The following ODAD3 variants were observed in gnomAD, a reference collection of about 807,000 sequenced individuals.
ODAD3 encodes outer dynein arm docking complex subunit 3.
Under a neutral mutation model 70.9 loss-of-function variants are expected in ODAD3, and 57 were observed. The ratio of observed to expected loss-of-function variants is 0.80; its 90% CI spans 0.65 to 1.00. ODAD3 has a LOEUF of 1.00. ODAD3 is among the 50% of genes least tolerant of loss of function. ODAD3 has a pLI of 0.00. For missense variants in ODAD3, 797 were observed against 763.9 expected, an observed-to-expected ratio of 1.04 and a Z score of -0.51; for synonymous variants, 327 against 315.9, an observed-to-expected ratio of 1.04 and a Z score of -0.37.
Position 11,421,820 on chromosome 19 carries a change from AGC to A in ODAD3, c.1445_1446del (p.Arg482LeufsTer12). 6.2e-7 allele frequency: 1 copy of A among 1,612,364 alleles called. No homozygotes were observed. The highest frequency in any genetic ancestry group is 8.5e-7 in the Non-Finnish European group (1 of 1,179,546). On this transcript the variant is annotated frameshift_variant, in exon 11 of 13. Coordinates refer to ENST00000356392, the MANE Select transcript of ODAD3 (RefSeq NM_145045.5). LOFTEE classifies it high-confidence loss of function. ...TGGGGATCCAGCTCCTTTCCCGCGAAGCGGCCGTCCTCCTGCGGCCAGGGTAG... is the reference window on the plus strand; with the variant it reads ...TGGGGATCCAGCTCCTTTCCCGCGAAGGCCGTCCTCCTGCGGCCAGGGTAG... ...KLIHITVEDG[R>X]FAGKELDPQA...
rs761992279 is a variant in ODAD3 at position 11,423,876 on chromosome 19, C to A, written c.1116+1G>T. ...CGGAGAGGGCTGCGGGCAGAACTCA[C>A]GTGCGTCTCGTCAGTGCCAGTGGCG... On this transcript the variant is annotated splice_donor_variant, in intron 8 of 12. Transcript: ENST00000356392. LOFTEE classifies it high-confidence loss of function. The A allele has an allele frequency of 2.5e-6, 4 of 1,607,824 alleles. No homozygotes were observed. The highest frequency in any genetic ancestry group is 3.4e-6 in the Non-Finnish European group (4 of 1,177,454).
rs1163223372 is a variant in ODAD3 at position 11,423,973 on chromosome 19, A to T, written c.1020T>A (p.His340Gln). The change falls in exon 8 of 13, where the codon CAT becomes CAA. Residue 340 changes from histidine to glutamine, a missense_variant. Coordinates refer to ENST00000356392, the MANE Select transcript of ODAD3 (RefSeq NM_145045.5). ...QSDDTIQDSL[H>Q]AKEEELRQRW... ...GCTGCCGCAGCTCCTCCTCCTTGGC[A>T]TGCAGGCTGTCCTGGATGGTGTCGT... 1 of 1,612,998 alleles carries T rather than the reference A, an allele frequency of 6.2e-7. No individual in the cohort carries two copies. Among genetic ancestry groups the T allele is most frequent in the Non-Finnish European group, 8.5e-7 (1 of 1,179,970 alleles).
chr19:11,421,119 C>A lies in ODAD3; in HGVS notation c.1675+9G>T. The A allele has an allele frequency of 6.2e-7, 1 of 1,613,458 alleles. No homozygotes were observed. Among genetic ancestry groups the A allele is most frequent in the Non-Finnish European group, 8.5e-7 (1 of 1,179,830 alleles). On this transcript the variant is annotated intron_variant, in intron 12 of 12. Transcript: ENST00000356392. ...AACCGCACCCCTTCATCCCCCCACC[C>A]ATACTGACCAAAAAACTTGTCCTTG...
chr19:11,426,502 G>C lies in ODAD3; in HGVS notation c.784C>G (p.Leu262Val), dbSNP rs1358834423. The change falls in exon 6 of 13, where the codon CTG becomes GTG. Residue 262 changes from leucine to valine, a missense_variant. Physicochemically the swap from Leu to Val is conservative, Grantham distance 32. Coordinates refer to ENST00000356392, the MANE Select transcript of ODAD3 (RefSeq NM_145045.5). ...TGGTTCACCACGTGCAGTGCCTCCA[G>C]CTCATGTTTGGTCCTCACCACCTCA... ...EAEVVRTKHE[L>V]EALHVVNQEA... 6.2e-7 allele frequency: 1 copy of C among 1,614,062 alleles called. No homozygotes were observed. Among genetic ancestry groups the C allele is most frequent in the East Asian group, 2.2e-5 (1 of 44,880 alleles).
In ODAD3 at chr19:11,425,450, C is replaced by CATATGTGTGTGT. The variant is rs1599459697; in HGVS notation, c.963+693_963+694insACACACACATAT. Reference sequence around the variant, plus strand: ...ACACATATGTGTATATGTATATATACATATATGTGTGTGTATATATGTATA... The same window carrying CATATGTGTGTGT: ...ACACATATGTGTATATGTATATATACATATGTGTGTGTATATATGTGTGTGTATATATGTATA... On this transcript the variant is annotated intron_variant, in intron 7 of 12. Transcript: ENST00000356392. Among the ~76,000 whole-genome samples the CATATGTGTGTGT allele has an allele frequency of 2.2e-4, 22 of 102,044 alleles. 1 individual carries two copies. The highest frequency in any genetic ancestry group is 9.6e-4 in the African/African-American group (22 of 22,884). 66.9% of individuals were successfully genotyped at this position (102,044 alleles called of 152,430 possible). A position where few individuals can be genotyped will look rare whatever the true frequency, so the allele number is the denominator to read the frequency against.
In ODAD3 at chr19:11,423,956, A is replaced by C. The variant is rs763147096; in HGVS notation, c.1037T>G (p.Leu346Arg). The C allele has an allele frequency of 3.1e-6, 5 of 1,613,250 alleles. 1 individual carries two copies. The highest frequency in any genetic ancestry group is 1.1e-5 in the South Asian group (1 of 91,080). ...CTGGTACATGCTCCAGCGCTGCCGC[A>C]GCTCCTCCTCCTTGGCATGCAGGCT... ...QDSLHAKEEE[L>R]RQRWSMYQME... The change falls in exon 8 of 13, where the codon CTG (leucine) becomes CGG (arginine). Residue 346 changes from leucine to arginine, a missense_variant. By Grantham distance (102) the Leu-to-Arg change is moderately radical (BLOSUM62 -2). Transcript: ENST00000356392.
chr19:11,426,407 GC>G (rs752511513), intron 6 of ODAD3, 38 bp downstream of exon 6: 1 of 1,612,876 alleles, frequency 6.2e-7, no homozygotes, highest in Non-Finnish European at 8.5e-7. Flanking sequence ...GGAGACCGCG[GC>G]AGCTGGGCAG....
In ODAD3 at chr19:11,425,071, GTATATGTGTATATGTACA is replaced by G. The variant is rs1425175946; in HGVS notation, c.963+1055_964-1043del. Among the ~76,000 whole-genome samples, 8 of 117,908 alleles carry G rather than the reference GTATATGTGTATATGTACA, an allele frequency of 6.8e-5. 3 individuals are homozygous for G. The highest frequency in any genetic ancestry group is 3.8e-4 in the African/African-American group (8 of 21,174). 77.4% of individuals were successfully genotyped at this position (117,908 alleles called of 152,430 possible). ...TATATATGTGTATATGTGTATATAT[GTATATGTGTATATGTACA>G]TATGTGTATATATGTATATATGTGT... On this transcript the variant is annotated intron_variant, in intron 7 of 12. Coordinates refer to ENST00000356392, the MANE Select transcript of ODAD3 (RefSeq NM_145045.5).
intron 1 of ODAD3, among the ~76,000 whole-genome samples, chr19:11,431,841 A>G (rs34089): frequency 0.18 from 27,683 of 150,206 alleles, 3,979 homozygotes; most frequent in African/African-American, 0.4. Context: ...TACTCAGGGG[A>G]CTGAGGCAGG....
At chr19:11,423,836 G>GC in intron 8 of ODAD3, 41 bp downstream of exon 8, 3 of 787,992 alleles carry the variant, frequency 3.8e-6, no homozygotes, top group South Asian at 2.2e-5. Context: ...CGTCTGGGGT[G>GC]GGGGGGGGGC....
intron 7 of ODAD3, among the ~76,000 whole-genome samples, chr19:11,425,186 T>C (rs1465120518): frequency 4.4e-5 from 6 of 137,914 alleles, no homozygotes; most frequent in Admixed American, 2.1e-4. Context: ...CATATGTGTA[T>C]ATATACATAT....
At chr19:11,432,446 A>G (rs1969522727) in intron 1 of ODAD3, among the ~76,000 whole-genome samples, 1 of 151,836 alleles carries the variant, frequency 6.6e-6, no homozygotes, top group African/African-American at 2.4e-5. Context: ...GGATCTCACT[A>G]TGTTGCCCAG....
chr19:11,425,157 A>ATACATATGTGTATATG (rs1475876316), intron 7 of ODAD3, among the ~76,000 whole-genome samples: 1 of 122,298 alleles, frequency 8.2e-6, no homozygotes, highest in Non-Finnish European at 1.6e-5. Context: ...ATATGTATAT[A>ATACATATGTGTATATG]TACATATGTG....
chr19:11,423,717 G>A (rs1969195165), intron 8 of ODAD3, among the ~76,000 whole-genome samples, 160 bp downstream of exon 8: 1 of 152,066 alleles, frequency 6.6e-6, no homozygotes, highest in African/African-American at 2.4e-5. Context: ...AGCTGGAGGG[G>A]GAAGGGATGT....
chr19:11,421,718 G>A lies in ODAD3; in HGVS notation c.1549C>T (p.His517Tyr). The A allele has an allele frequency of 1.2e-6, 2 of 1,613,350 alleles. No individual in the cohort carries two copies. The highest frequency in any genetic ancestry group is 1.7e-6 in the Non-Finnish European group (2 of 1,179,986). ...LLKLQAQLQG[H>Y]DVQEMLCHIA... ...TGGCACAGCATCTCCTGCACGTCGTGGCCCTGGAGCTGCGCCTGCAGTTTC... is the reference window on the plus strand; with the variant it reads ...TGGCACAGCATCTCCTGCACGTCGTAGCCCTGGAGCTGCGCCTGCAGTTTC... The change falls in exon 11 of 13, where the codon CAC (histidine) becomes TAC (tyrosine). Residue 517 changes from histidine (H) to tyrosine (Y), a missense_variant. Transcript: ENST00000356392.
intron 7 of ODAD3, among the ~76,000 whole-genome samples, chr19:11,424,657 G>A (rs1386127002): frequency 2.2e-5 from 2 of 91,702 alleles, no homozygotes; most frequent in Non-Finnish European, 3.7e-5. Context: ...ATACCTATGT[G>A]TATATATGTA....
intron 1 of ODAD3, among the ~76,000 whole-genome samples, chr19:11,432,232 C>G (rs1969518793): frequency 6.6e-6 from 1 of 152,140 alleles, no homozygotes; most frequent in African/African-American, 2.4e-5. Context: ...GTTTTGCATT[C>G]CAGGACTGTT....
intron 1 of ODAD3, among the ~76,000 whole-genome samples, chr19:11,432,132 CAAAAA>C (rs1047426738): frequency 6.6e-6 from 1 of 152,048 alleles, no homozygotes; most frequent in Non-Finnish European, 1.5e-5. Context: ...CAAAACAAAA[CAAAAA>C]ACCCCAAAAT....
rs1414768316 is a variant in ODAD3, at chr19:11,425,375, ATG to A, written c.963+767_963+768del. On this transcript the variant is annotated intron_variant, in intron 7 of 12. Coordinates refer to ENST00000356392, the MANE Select transcript of ODAD3 (RefSeq NM_145045.5). ...TGTGTATATGTACATATGTGTATATATGTGTGTATGTACATATGTGTATATGT... is the reference window on the plus strand; with the variant it reads ...TGTGTATATGTACATATGTGTATATATGTGTATGTACATATGTGTATATGT... Among the ~76,000 whole-genome samples the A allele has an allele frequency of 2.2e-4, 28 of 124,610 alleles. 3 individuals carry two copies. Among genetic ancestry groups the A allele is most frequent in the East Asian group, 1.1e-3 (5 of 4,466 alleles). The allele number at this position is 124,610 out of a possible 152,430, so 81.7% of individuals were successfully genotyped here.
Sources: gnomAD v4.1 joint callset for allele counts (sites outside exome capture counted in the v4.1 genomes callset) on GRCh38, gnomAD v4.1.1 for gene constraint, MANE v1.5 for transcripts, NCBI Gene and HGNC (gene_info 2026-07-23, HGNC 2026-07-21) for gene names.